Variants in CRLF2 observed in about 807,000 individuals in gnomAD.
CRLF2 encodes cytokine receptor-like factor 2.
A neutral mutation model predicts 38.7 loss-of-function variants in CRLF2; 41 were observed. The observed-to-expected ratio is 1.06, with a 90% confidence interval of 0.83 to 1.37. CRLF2 has a LOEUF of 1.37. Among genes scored for constraint, CRLF2 ranks in the 40% most tolerant of loss-of-function variants. The pLI, the probability that CRLF2 is intolerant of heterozygous loss-of-function variation, is 0.00. For synonymous variants in CRLF2, 140 were observed against 128.8 expected (o/e 1.09, Z -0.59); for missense variants, 377 against 322.2 (o/e 1.17, Z -1.30).
intron 7 of CRLF2, among the ~76,000 whole-genome samples, chrX:1,192,202 C>G (rs1163696725): frequency 3.9e-5 from 2 of 50,724 alleles, no homozygotes; most frequent in Non-Finnish European, 7.6e-5. Context: ...GAGACTCCGT[C>G]TCAAAAAAAA....
Position 1,190,971 on chromosome X carries a change from G to A in CRLF2, c.1042C>T (p.Leu348Phe), listed in dbSNP as rs1471128505. Residue 348 changes from leucine to phenylalanine, a missense_variant, in exon 8 of 8, where the codon CTC becomes TTC. Leu to Phe is a conservative substitution (Grantham distance 22). Coordinates refer to ENST00000400841, the MANE Select transcript of CRLF2 (RefSeq NM_022148.4). ...ATTGTGACCACATCACCGCCTTGGA[G>A]GGGCTGGTGGGGAAGCTGGAGGGAT... Reference protein sequence around the residue: ...GGSLQLPHQPLQGGDVVTIGG... With the variant: ...GGSLQLPHQPFQGGDVVTIGG... The A allele has an allele frequency of 5.0e-5, 20 of 398,744 alleles. No individual in the cohort carries two copies. Among genetic ancestry groups the A allele is most frequent in the African/African-American group, 3.5e-4 (17 of 48,772 alleles). 24.7% of individuals were successfully genotyped at this position (398,744 alleles called of 1,614,324 possible).
At chrX:1,199,744 A>G (rs548088085) in intron 4 of CRLF2, among the ~76,000 whole-genome samples, 1 of 152,062 alleles carries the variant, frequency 6.6e-6, no homozygotes, top group East Asian at 1.9e-4. Flanking sequence ...ATATTTATAT[A>G]TGTGTGTATA....
intron 1 of CRLF2, among the ~76,000 whole-genome samples, chrX:1,210,354 C>T (rs2086775883): frequency 6.6e-6 from 1 of 152,024 alleles, no homozygotes; most frequent in Non-Finnish European, 1.5e-5. Flanking sequence ...CGCTCTGTCG[C>T]CCACGCTGGA....
intron 4 of CRLF2, among the ~76,000 whole-genome samples, chrX:1,200,646 TA>T (rs1461374449): frequency 1.8e-5 from 2 of 112,744 alleles, no homozygotes; most frequent in African/African-American, 6.1e-5. Context: ...AAGGTATGTA[TA>T]TATGTGTGGG....
chrX:1,192,019 C>A (rs1389064009), intron 7 of CRLF2, among the ~76,000 whole-genome samples: 23,394 of 137,226 alleles, frequency 0.17, 2,401 homozygotes, highest in East Asian at 0.36. Context: ...TCCCGACTAA[C>A]ATGGTGAAAC....
At chrX:1,211,357 G>GA (rs2086796594) in intron 1 of CRLF2, among the ~76,000 whole-genome samples, 19 of 46,526 alleles carry the variant, frequency 4.1e-4, no homozygotes, top group South Asian at 6.5e-4. Flanking sequence ...GGGTGGATGG[G>GA]TGGATGGATG....
At chrX:1,195,574 A>G (rs2086459564) in intron 6 of CRLF2, among the ~76,000 whole-genome samples, 1 of 148,732 alleles carries the variant, frequency 6.7e-6, no homozygotes, top group South Asian at 2.1e-4. Flanking sequence ...CGCCCAGCTA[A>G]TTTTATTTTT....
At chrX:1,197,849 G>C (rs139884756) in intron 5 of CRLF2, among the ~76,000 whole-genome samples, 2,493 of 151,304 alleles carry the variant, frequency 0.016, 74 homozygotes, top group African/African-American at 0.057. Flanking sequence ...AAAATAAAAA[G>C]ATTTAATCAG....
At chrX:1,198,412 C>G (rs867410407) in intron 5 of CRLF2, 150 bp downstream of exon 5, 59 of 322,768 alleles carry the variant, frequency 1.8e-4, no homozygotes, top group African/African-American at 6.4e-4. Flanking sequence ...AGGCAGGACA[C>G]CCTCCCTCCC....
intron 6 of CRLF2, among the ~76,000 whole-genome samples, chrX:1,195,974 TTA>T (rs1431481024): frequency 7.7e-4 from 108 of 139,930 alleles, no homozygotes; most frequent in African/African-American, 2.5e-3. Flanking sequence ...TAAATATATA[TTA>T]TATATATTTT....
In CRLF2 at chrX:1,202,417, G is replaced by T. The variant is rs755785714; in HGVS notation, c.468C>A (p.Phe156Leu). The change falls in exon 4 of 8, where the codon TTC becomes TTA. Residue 156 changes from phenylalanine to leucine, a missense_variant. Coordinates refer to ENST00000400841, the MANE Select transcript of CRLF2 (RefSeq NM_022148.4). ...LLYEVQYRSPFDTEWQSKQEN... is the reference protein window; with the variant it reads ...LLYEVQYRSPLDTEWQSKQEN... ...CCCGGCTCACCTGCCACTCGGTGTC[G>T]AAGGGGCTCCGGTACTGAACCTCAT... The T allele has an allele frequency of 6.2e-7, 1 of 1,613,614 alleles. No individual in the cohort carries two copies. The highest frequency in any genetic ancestry group is 1.1e-5 in the South Asian group (1 of 91,076).
At chrX:1,199,224 G>A (rs1260396832) in intron 4 of CRLF2, 39 of 166,226 alleles carry the variant, frequency 2.3e-4, no homozygotes, top group Non-Finnish European at 4.6e-4. Context: ...CGATCCTCCT[G>A]CCTTGGCCTC....
At chrX:1,203,061 G>A (rs1161847104) in intron 3 of CRLF2, among the ~76,000 whole-genome samples, 1 of 122,714 alleles carries the variant, frequency 8.1e-6, no homozygotes, top group Non-Finnish European at 1.6e-5. Flanking sequence ...TTGAACCACT[G>A]CCCTCCAGCC....
Position 1,198,742 on chromosome X carries a change from C to CAT in CRLF2, c.484-19_484-18insAT. 3.9e-6 allele frequency: 3 copies of CAT among 778,598 alleles called. No homozygotes were observed. The highest frequency in any genetic ancestry group is 2.5e-5 in the South Asian group (1 of 40,690). The allele number at this position is 778,598 out of a possible 1,614,324, so 48.2% of individuals were successfully genotyped here. On this transcript the variant is annotated intron_variant, in intron 4 of 7. Transcript: ENST00000400841. The stretch of plus-strand genomic sequence containing the variant: ...TGTTTGGACTGGAGAAACATACACA[C>CAT]ACACACACACACACACACACACACA...
At chrX:1,208,572 C>CA (rs781777366) in intron 2 of CRLF2, among the ~76,000 whole-genome samples, 6 of 151,790 alleles carry the variant, frequency 4.0e-5, no homozygotes, top group Admixed American at 6.6e-5. Context: ...TAAAAACAAA[C>CA]AAAAAAAAGA....
chrX:1,212,392 T>G, intron 1 of CRLF2, among the ~76,000 whole-genome samples, 164 bp downstream of exon 1: 1 of 127,876 alleles, frequency 7.8e-6, no homozygotes, highest in African/African-American at 3.1e-5. Context: ...CTTGAGAAGC[T>G]GAGGCAGGAG....
At chrX:1,197,993 T>C (rs2086521128) in intron 5 of CRLF2, among the ~76,000 whole-genome samples, 2 of 151,620 alleles carry the variant, frequency 1.3e-5, no homozygotes, top group South Asian at 4.2e-4. Context: ...CATGAGAATG[T>C]TTCTCAAAAA....
intron 4 of CRLF2, chrX:1,199,003 GC>G: frequency 2.1e-6 from 1 of 475,102 alleles, no homozygotes. Flanking sequence ...ACAAAAATTA[GC>G]CAGGCGTGGT....
rs1330643976 is a variant in CRLF2 at position 1,192,015 on chromosome X, C to G, written c.853-855G>C. Among the ~76,000 whole-genome samples the G allele has an allele frequency of 2.9e-4, 42 of 144,106 alleles. 3 individuals are homozygous for G. The East Asian group carries it at 9.3e-3, about 32-fold the overall frequency. The allele number at this position is 144,106 out of a possible 152,430, so 94.5% of individuals were successfully genotyped here. A position where few individuals can be genotyped will look rare whatever the true frequency, so the allele number is the denominator to read the frequency against. On this transcript the variant is annotated intron_variant, in intron 7 of 7. Coordinates refer to ENST00000400841, the MANE Select transcript of CRLF2 (RefSeq NM_022148.4). ...GGTGAGGAGATCGAGACCATCCCGA[C>G]TAACATGGTGAAACCCCATCTCTAC...
Sources: gnomAD v4.1 joint callset for allele counts (sites outside exome capture counted in the v4.1 genomes callset) on GRCh38, gnomAD v4.1.1 for gene constraint, MANE v1.5 for transcripts, NCBI Gene and HGNC (gene_info 2026-07-23, HGNC 2026-07-21) for gene names.